The following FMO5 variants were observed in gnomAD, a reference collection of about 807,000 sequenced individuals.
FMO5 encodes flavin containing dimethylaniline monoxygenase 5, also known as flavin-containing monooxygenase 5.
Under a neutral mutation model 43.6 loss-of-function variants are expected in FMO5, and 51 were observed. The observed-to-expected ratio is 1.17, with a 90% CI of 0.93 to 1.48. FMO5 has a LOEUF of 1.48. Among genes scored for constraint, FMO5 ranks in the 40% most tolerant of loss-of-function variants. The probability of loss-of-function intolerance (pLI) is 0.00; values close to 1 mark genes in which losing one functional copy is unlikely to be tolerated. For synonymous variants in FMO5, 187 were observed against 216.5 expected (o/e 0.86, Z 1.20); for missense variants, 644 against 643.0 (o/e 1.00, Z -0.02).
At position 147,215,500 on chromosome 1, in the gene FMO5, T is replaced by C. The variant is rs1661837121; in HGVS notation, c.324+254A>G. 7.0e-6 allele frequency: 3 copies of C among 430,168 alleles called. No individual in the cohort carries two copies. In the South Asian group the frequency reaches 1.1e-4, roughly 16 times the overall value. 26.6% of individuals were successfully genotyped at this position (430,168 alleles called of 1,614,324 possible). Reference sequence around the variant, plus strand: ...TCATCTGTTTATTGCAATCAAATAATGTGAAATGAAGGTAATGAAAACACT... The same window carrying C: ...TCATCTGTTTATTGCAATCAAATAACGTGAAATGAAGGTAATGAAAACACT... On this transcript the variant is annotated intron_variant, in intron 3 of 8. Coordinates refer to ENST00000254090, the MANE Select transcript of FMO5 (RefSeq NM_001461.4).
intron 6 of FMO5, chr1:147,204,433 G>A (rs1165347522): frequency 2.5e-6 from 3 of 1,206,700 alleles, no homozygotes; most frequent in South Asian, 2.4e-5. Flanking sequence ...ACACATTACA[G>A]AGGTACGAAG....
chr1:147,202,488 T>C (rs907756864), intron 6 of FMO5, among the ~76,000 whole-genome samples: 2 of 151,794 alleles, frequency 1.3e-5, no homozygotes, highest in African/African-American at 2.4e-5. Flanking sequence ...CCTGGCTAAT[T>C]TTTGTATTTT....
chr1:147,198,850 C>CAAAAAAAAAAAAA (rs151035141), intron 7 of FMO5, among the ~76,000 whole-genome samples: 4 of 51,746 alleles, frequency 7.7e-5, no homozygotes, highest in Admixed American at 2.5e-4. Flanking sequence ...GACTGCATCT[C>CAAAAAAAAAAAAA]AAAAAAAAAA....
chr1:147,214,511 C>T (rs1452744026), intron 3 of FMO5, among the ~76,000 whole-genome samples: 4 of 151,646 alleles, frequency 2.6e-5, no homozygotes, highest in Admixed American at 1.3e-4. Flanking sequence ...CACTAGCAAT[C>T]CAGCACTATT....
intron 2 of FMO5, chr1:147,224,146 C>T (rs1374919724): frequency 6.5e-6 from 2 of 307,288 alleles, no homozygotes; most frequent in East Asian, 9.9e-5. Flanking sequence ...ACAGGAAGAC[C>T]TGCACGACGT....
At chr1:147,214,417 C>T (rs2101982100) in intron 3 of FMO5, among the ~76,000 whole-genome samples, 1 of 151,310 alleles carries the variant, frequency 6.6e-6, no homozygotes, top group East Asian at 1.9e-4. Flanking sequence ...TGTCACTGTA[C>T]TCCAGCCTGG....
In FMO5 at chr1:147,212,495, G is replaced by C. The variant is rs1451190224; in HGVS notation, c.528C>G (p.Asp176Glu). Residue 176 changes from aspartate to glutamate, a missense_variant, in exon 5 of 9, where the codon GAC becomes GAG. Asp to Glu is a conservative substitution (Grantham distance 45, BLOSUM62 2). Coordinates refer to ENST00000254090, the MANE Select transcript of FMO5 (RefSeq NM_001461.4). ...CAGTGAATCCCTCTGGGTTCTTATA[G>C]TCTCGACTGTGGAAGTACTGCCCTT... ...KFKGQYFHSR[D>E]YKNPEGFTGK... 7 of 1,613,694 alleles carry C rather than the reference G, an allele frequency of 4.3e-6. No homozygotes were observed. The Admixed American group carries it at 5.0e-5, about 12-fold the overall frequency.
Position 147,212,464 on chromosome 1 carries a change from T to C in FMO5, c.559A>G (p.Arg187Gly). The C allele has an allele frequency of 6.2e-7, 1 of 1,613,924 alleles. No homozygotes were observed. The highest frequency in any genetic ancestry group is 8.5e-7 in the Non-Finnish European group (1 of 1,179,790). ...TTCCCAATGCCAATTATAATGACTC[T>C]CTTTCCAGTGAATCCCTCTGGGTTC... ...YKNPEGFTGK[R>G]VIIIGIGNSG... Residue 187 changes from arginine (R) to glycine (G), a missense_variant, in exon 5 of 9, where the codon AGA becomes GGA. Coordinates refer to ENST00000254090, the MANE Select transcript of FMO5 (RefSeq NM_001461.4).
At chr1:147,201,608 C>T in intron 6 of FMO5, 104 bp from the exon 7 acceptor site, 1 of 777,732 alleles carries the variant, frequency 1.3e-6, no homozygotes, top group Non-Finnish European at 2.1e-6. Flanking sequence ...TGCCAATAAT[C>T]TTCCCCTTGG....
At chr1:147,214,000 A>G (rs933850584) in intron 3 of FMO5, among the ~76,000 whole-genome samples, 50 of 152,238 alleles carry the variant, frequency 3.3e-4, no homozygotes, top group African/African-American at 1.1e-3. Flanking sequence ...ATAAATACCC[A>G]TTTTACAAAG....
chr1:147,187,292 G>C, intron 8 of FMO5, 47 bp from the exon 9 acceptor site: 2 of 1,418,176 alleles, frequency 1.4e-6, no homozygotes, highest in South Asian at 2.7e-5. Context: ...AATTCAATCA[G>C]TCAGTCAATC....
chr1:147,187,388 A>G, intron 8 of FMO5, 143 bp from the exon 9 acceptor site: 3 of 633,980 alleles, frequency 4.7e-6, no homozygotes, highest in South Asian at 4.2e-5. Flanking sequence ...AACATTGGTC[A>G]CTGTCCTTAA....
intron 5 of FMO5, among the ~76,000 whole-genome samples, chr1:147,212,039 G>A (rs1317042881): frequency 2.0e-5 from 3 of 152,106 alleles, no homozygotes; most frequent in South Asian, 2.1e-4. Flanking sequence ...GAAGATCCTC[G>A]CTCTCAATAC....
chr1:147,185,011 T>A (rs587675444), downstream of FMO5, among the ~76,000 whole-genome samples: 1 of 152,210 alleles, frequency 6.6e-6, no homozygotes, highest in South Asian at 2.1e-4. Flanking sequence ...TTTAAAATAA[T>A]TAGGAAAATG....
At chr1:147,184,908 C>A (rs1429033792), downstream of FMO5, among the ~76,000 whole-genome samples, 4 of 152,060 alleles carry the variant, frequency 2.6e-5, no homozygotes, top group African/African-American at 9.7e-5. This position sits in a 1 kb window ranked among gnomAD's most constrained non-coding sequence, Gnocchi z 4.4. Flanking sequence ...ATTTGGAATT[C>A]TTCTTCATGG....
chr1:147,201,428 T>G lies in FMO5; in HGVS notation c.907A>C (p.Asn303His). The G allele has an allele frequency of 6.2e-7, 1 of 1,614,172 alleles. No homozygotes were observed. Residue 303 changes from asparagine to histidine, a missense_variant, in exon 7 of 9, where the codon AAT (asparagine) becomes CAT (histidine). Asn to His is a moderately conservative substitution (Grantham distance 68). Coordinates refer to ENST00000254090, the MANE Select transcript of FMO5 (RefSeq NM_001461.4). ...GCTGTCTCCGTGAATTCCTTCACAT[T>G]TCCTTTCACTTTCACCAAGCCAGAA... ...IISGLVKVKG[N>H]VKEFTETAAI... is the part of the protein sequence containing the mutation.
chr1:147,226,635 C>T (rs1553927904), upstream of FMO5, among the ~76,000 whole-genome samples: 1 of 152,122 alleles, frequency 6.6e-6, no homozygotes, highest in Non-Finnish European at 1.5e-5. Context: ...TTGTAAGAGG[C>T]ATGGATTGTG....
downstream of FMO5, chr1:147,186,217 A>G (rs1655602178): frequency 1.7e-6 from 1 of 594,192 alleles, no homozygotes; most frequent in Non-Finnish European, 2.1e-6. Context: ...AGTTGATCTC[A>G]TTGGCAGATG....
chr1:147,202,444 C>T (rs974480168), intron 6 of FMO5, among the ~76,000 whole-genome samples: 3 of 150,816 alleles, frequency 2.0e-5, no homozygotes, highest in Admixed American at 6.6e-5. Context: ...CTCAGCCTCC[C>T]GAGTAGCTTG....
Sources: gnomAD v4.1 joint callset for allele counts (sites outside exome capture counted in the v4.1 genomes callset) on GRCh38, gnomAD v4.1.1 for gene constraint, Gnocchi (gnomAD v3.1) non-coding constraint, MANE v1.5 for transcripts, NCBI Gene and HGNC (gene_info 2026-07-23, HGNC 2026-07-21) for gene names.